PDE6C: variants seen among roughly 807,000 people sequenced by gnomAD.
PDE6C encodes cone cGMP-specific 3',5'-cyclic phosphodiesterase subunit alpha'.
PDE6C carries 75 observed loss-of-function variants against 113.1 expected under a neutral mutation model. The ratio of observed to expected loss-of-function variants is 0.66; its 90% CI spans 0.55 to 0.80. PDE6C has a LOEUF of 0.80. Among genes scored for constraint, PDE6C ranks in the 30% least tolerant of loss-of-function variants. The probability of loss-of-function intolerance (pLI) is 0.00; values close to 1 mark genes in which losing one functional copy is unlikely to be tolerated. For missense variants in PDE6C, 912 were observed against 1,038.6 expected (o/e 0.88, Z 1.67); for synonymous variants, 375 against 363.7 (o/e 1.03, Z -0.35).
intron 5 of PDE6C, among the ~76,000 whole-genome samples, chr10:93,625,908 A>C (rs1294906975): frequency 6.6e-6 from 1 of 152,154 alleles, no homozygotes; most frequent in African/African-American, 2.4e-5. Context: ...ACTGGAAGGG[A>C]TGCATCAGAG....
chr10:93,661,338 T>A (rs939985828), intron 18 of PDE6C, among the ~76,000 whole-genome samples: 1 of 152,212 alleles, frequency 6.6e-6, no homozygotes. Flanking sequence ...CTTCCCCTCC[T>A]CTTTTCCTGG....
chr10:93,658,962 G>T lies in PDE6C; in HGVS notation c.2098G>T (p.Ala700Ser). Reference protein sequence around the residue: ...ACEQMQTEEEAIKYVTVDPTK... With the variant: ...ACEQMQTEEESIKYVTVDPTK... ...TGAACAAATGCAAACGGAAGAAGAA[G>T]CCATCAAATATGTAACTGTTGATCC... The change falls in exon 17 of 22, where the codon GCC becomes TCC. Residue 700 changes from alanine to serine, a missense_variant. Ala to Ser is a moderately conservative substitution (Grantham distance 99). Coordinates refer to ENST00000371447, the MANE Select transcript of PDE6C (RefSeq NM_006204.4). 1 of 1,612,928 alleles carries T rather than the reference G, an allele frequency of 6.2e-7. No homozygotes were observed. The highest frequency in any genetic ancestry group is 1.1e-5 in the South Asian group (1 of 91,058).
At chr10:93,621,575 C>T (rs1233197312) in intron 3 of PDE6C, among the ~76,000 whole-genome samples, 2 of 152,170 alleles carry the variant, frequency 1.3e-5, no homozygotes, top group African/African-American at 4.8e-5. Flanking sequence ...ATGTGGCTCT[C>T]TCCACATCAG....
At chr10:93,660,891 C>T (rs985766464) in intron 18 of PDE6C, among the ~76,000 whole-genome samples, 2 of 152,108 alleles carry the variant, frequency 1.3e-5, no homozygotes, top group African/African-American at 4.8e-5. Context: ...AAGTCATCCT[C>T]TGACTTGCTG....
chr10:93,640,936 A>G lies in PDE6C; in HGVS notation c.1754A>G (p.Lys585Arg). Residue 585 changes from lysine to arginine, a missense_variant, in exon 14 of 22, where the codon AAG becomes AGG. Transcript: ENST00000371447. ...TTTTTTTAGACAGGAAGATTAAAGA[A>G]GTACTACACAGATCTCGAAGCCTTT... ...FTLLMTGRLKKYYTDLEAFAM... is the reference protein window; with the variant it reads ...FTLLMTGRLKRYYTDLEAFAM... 1 of 1,606,540 alleles carries G rather than the reference A, an allele frequency of 6.2e-7. No homozygotes were observed. The highest frequency in any genetic ancestry group is 1.3e-5 in the African/African-American group (1 of 74,924).
intron 4 of PDE6C, among the ~76,000 whole-genome samples, chr10:93,624,278 T>A (rs1343670862): frequency 6.6e-6 from 1 of 152,188 alleles, no homozygotes; most frequent in Non-Finnish European, 1.5e-5. Context: ...AGACTCTGTC[T>A]TGGTCTGTCA....
At chr10:93,635,386 TG>T in intron 9 of PDE6C, 110 bp from the exon 10 acceptor site, 1 of 808,012 alleles carries the variant, frequency 1.2e-6, no homozygotes, top group Non-Finnish European at 2.1e-6. Flanking sequence ...AAAGAAGGAA[TG>T]GGGTGGTTGA....
chr10:93,617,175 G>C (rs1444868453), intron 1 of PDE6C, among the ~76,000 whole-genome samples: 1 of 152,116 alleles, frequency 6.6e-6, no homozygotes, highest in African/African-American at 2.4e-5. Flanking sequence ...ATGTTCTCCA[G>C]CTGCCTTCAA....
chr10:93,639,610 G>C (rs1045194752), intron 11 of PDE6C, among the ~76,000 whole-genome samples: 1 of 152,120 alleles, frequency 6.6e-6, no homozygotes, highest in Non-Finnish European at 1.5e-5. Context: ...CCCCACCCTC[G>C]GGGAGCTCAC....
At chr10:93,638,823 G>A (rs1236609809) in intron 11 of PDE6C, among the ~76,000 whole-genome samples, 1 of 152,150 alleles carries the variant, frequency 6.6e-6, no homozygotes, top group Non-Finnish European at 1.5e-5. Context: ...TGATTTTCTG[G>A]GTGTAGCAAC....
chr10:93,629,366 C>A, intron 8 of PDE6C, 61 bp downstream of exon 8: 1 of 1,245,392 alleles, frequency 8.0e-7, no homozygotes, highest in Non-Finnish European at 1.2e-6. Flanking sequence ...TGGATGCTCT[C>A]GCCTCTCCTC....
intron 11 of PDE6C, among the ~76,000 whole-genome samples, chr10:93,638,866 G>A (rs534654272): frequency 2.0e-5 from 3 of 152,154 alleles, no homozygotes; most frequent in Non-Finnish European, 4.4e-5. Flanking sequence ...GGTCAGCCCA[G>A]GCTCAGGGGC....
At chr10:93,638,456 C>T (rs1192299119) in intron 11 of PDE6C, among the ~76,000 whole-genome samples, 1 of 152,264 alleles carries the variant, frequency 6.6e-6, no homozygotes, top group South Asian at 2.1e-4. Flanking sequence ...CTTCTCCCCA[C>T]CTGCCCTCAA....
chr10:93,624,434 C>T (rs72822861), intron 4 of PDE6C, among the ~76,000 whole-genome samples: 34,733 of 151,990 alleles, frequency 0.23, 4,506 homozygotes, highest in East Asian at 0.37. Flanking sequence ...GACAGGATTT[C>T]GCCACGTTGG....
chr10:93,646,026 T>G lies in PDE6C; in HGVS notation c.1914T>G (p.Ser638Arg). ...SILERHHLEYSKTLLQDESLN... is the reference protein window; with the variant it reads ...SILERHHLEYRKTLLQDESLN... ...TGGAGAGGCACCACCTGGAGTACAG[T>G]AAGACTCTGTTGCAGGATGAGGTAC... is the stretch of plus-strand genomic sequence containing the variant. The change falls in exon 15 of 22, where the codon AGT (serine) becomes AGG (arginine). Residue 638 changes from serine (S) to arginine (R), a missense_variant. By Grantham distance (110) the Ser-to-Arg change is moderately radical (BLOSUM62 -1). Coordinates refer to ENST00000371447, the MANE Select transcript of PDE6C (RefSeq NM_006204.4). The G allele has an allele frequency of 6.3e-7, 1 of 1,598,692 alleles. No individual in the cohort carries two copies. The highest frequency in any genetic ancestry group is 1.1e-5 in the South Asian group (1 of 90,794).
chr10:93,635,433 T>A (rs1002084406), intron 9 of PDE6C, 64 bp from the exon 10 acceptor site: 27 of 1,299,034 alleles, frequency 2.1e-5, no homozygotes, highest in Non-Finnish European at 2.9e-5. Flanking sequence ...GCGTGCAGAT[T>A]GTTGCCTCCA....
In PDE6C at chr10:93,655,780, C is replaced by A. The variant is rs370842108; in HGVS notation, c.1956C>A (p.Asn652Lys). 62 of 1,600,980 alleles carry A rather than the reference C, an allele frequency of 3.9e-5. No homozygotes were observed. Among genetic ancestry groups the A allele is most frequent in the Non-Finnish European group, 5.2e-5 (61 of 1,168,350 alleles). The change falls in exon 16 of 22, where the codon AAC (asparagine) becomes AAA (lysine). Residue 652 changes from asparagine to lysine, a missense_variant. Transcript: ENST00000371447. ...LQDESLNIFQNLNKRQFETVI... is the reference protein window; with the variant it reads ...LQDESLNIFQKLNKRQFETVI... ...TACAGAGTTTAAACATCTTCCAGAA[C>A]CTAAATAAGCGGCAGTTTGAAACAG...
In PDE6C at chr10:93,655,825, C is replaced by T. The variant is rs778317946; in HGVS notation, c.2001C>T (p.Val667=). 15 of 1,605,506 alleles carry T rather than the reference C, an allele frequency of 9.3e-6. No homozygotes were observed. The highest frequency in any genetic ancestry group is 2.2e-5 in the East Asian group (1 of 44,834). Residue 667 remains valine, a synonymous_variant, in exon 16 of 22, where the codon GTC becomes GTT. Coordinates refer to ENST00000371447, the MANE Select transcript of PDE6C (RefSeq NM_006204.4). ...QFETVIHLFE[V]AIIATDLALY... Reference sequence around the variant, plus strand: ...AAACAGTTATTCATTTGTTCGAGGTCGCAATAATAGCAACTGACCTGGCTT... The same window carrying T: ...AAACAGTTATTCATTTGTTCGAGGTTGCAATAATAGCAACTGACCTGGCTT...
At chr10:93,643,476 C>T (rs112094903) in intron 14 of PDE6C, among the ~76,000 whole-genome samples, 4,691 of 152,118 alleles carry the variant, frequency 0.031, 109 homozygotes, top group Non-Finnish European at 0.048. Flanking sequence ...GCAGCCTTGA[C>T]CTCTGGGGCC....
Sources: gnomAD v4.1 joint callset for allele counts (sites outside exome capture counted in the v4.1 genomes callset) on GRCh38, gnomAD v4.1.1 for gene constraint, MANE v1.5 for transcripts, NCBI Gene and HGNC (gene_info 2026-07-23, HGNC 2026-07-21) for gene names.